Variants in CADPS2 observed in about 807,000 individuals in gnomAD.
The protein encoded by CADPS2 is calcium dependent secretion activator 2, also known as calcium-dependent secretion activator 2.
In CADPS2, 93 loss-of-function variants were observed where a neutral mutation model predicts 172.5. The observed-to-expected ratio is 0.54, with a 90% confidence interval of 0.46 to 0.64. CADPS2 has a LOEUF of 0.64. CADPS2 is among the 30% of genes least tolerant of loss of function. The pLI, the probability that CADPS2 is intolerant of heterozygous loss-of-function variation, is 0.00. For missense variants in CADPS2, 1,420 were observed against 1,565.9 expected (o/e 0.91, Z 1.57); for synonymous variants, 546 against 555.2 (o/e 0.98, Z 0.23).
chr7:122,738,237 T>G (rs2092285273), intron 1 of CADPS2, among the ~76,000 whole-genome samples: 1 of 151,978 alleles, frequency 6.6e-6, no homozygotes, highest in African/African-American at 2.4e-5. Context: ...AAAATAAAAA[T>G]AAGGAGCTTC....
chr7:122,699,957 T>G (rs2085764566), intron 2 of CADPS2, among the ~76,000 whole-genome samples: 1 of 152,158 alleles, frequency 6.6e-6, no homozygotes, highest in South Asian at 2.1e-4. Context: ...TTATCAAACA[T>G]TTTTGCAGAA....
intron 6 of CADPS2, among the ~76,000 whole-genome samples, chr7:122,592,981 G>A (rs1186211612): frequency 7.3e-6 from 1 of 137,094 alleles, no homozygotes; most frequent in Non-Finnish European, 1.5e-5. Flanking sequence ...AGAACTTGAA[G>A]TAAAATGAAT....
intron 9 of CADPS2, among the ~76,000 whole-genome samples, chr7:122,502,974 AT>A (rs1397530228): frequency 1.3e-5 from 2 of 151,908 alleles, no homozygotes; most frequent in Non-Finnish European, 2.9e-5. Flanking sequence ...CACTTATTTC[AT>A]AAGAATATCT....
intron 2 of CADPS2, among the ~76,000 whole-genome samples, chr7:122,664,064 CAAAAA>C (rs541690772): frequency 1.2e-5 from 1 of 84,880 alleles, no homozygotes; most frequent in Non-Finnish European, 2.2e-5. Context: ...TGTTTATAAG[CAAAAA>C]AAAAAAAAAA....
chr7:122,749,917 A>G (rs1042615373), intron 1 of CADPS2, among the ~76,000 whole-genome samples: 14 of 151,940 alleles, frequency 9.2e-5, no homozygotes, highest in African/African-American at 1.2e-4. Context: ...AATGCTGCTA[A>G]TAAGAAAAGG....
At chr7:122,428,952 A>G (rs753169198) in intron 17 of CADPS2, among the ~76,000 whole-genome samples, 5 of 152,216 alleles carry the variant, frequency 3.3e-5, no homozygotes, top group Non-Finnish European at 5.9e-5. Context: ...CTGACAATGT[A>G]TAGTTATTCA....
intron 3 of CADPS2, among the ~76,000 whole-genome samples, chr7:122,645,290 CATATATACACAT>C (rs2078209946): frequency 2.9e-5 from 4 of 137,464 alleles, no homozygotes; most frequent in Admixed American, 7.3e-5. Flanking sequence ...CACATATGTA[CATATATACACAT>C]ATGTACATGT....
chr7:122,341,458 G>A (rs1308064988), intron 28 of CADPS2, among the ~76,000 whole-genome samples: 2 of 152,106 alleles, frequency 1.3e-5, no homozygotes, highest in Admixed American at 1.3e-4. Flanking sequence ...TAGTTTACAC[G>A]TACTAAGTAA....
At chr7:122,836,669 A>G (rs1808545238) in intron 1 of CADPS2, among the ~76,000 whole-genome samples, 1 of 152,214 alleles carries the variant, frequency 6.6e-6, no homozygotes, top group Non-Finnish European at 1.5e-5. Flanking sequence ...CAAAGATCAA[A>G]AGAGACAAAG....
intron 18 of CADPS2, 65 bp downstream of exon 18, chr7:122,415,996 G>T: frequency 1.0e-6 from 1 of 981,874 alleles, no homozygotes. Flanking sequence ...CACTTATTCA[G>T]TGTAGCCACA....
chr7:122,562,884 AT>A (rs2065941721), intron 7 of CADPS2, among the ~76,000 whole-genome samples: 1 of 152,054 alleles, frequency 6.6e-6, no homozygotes, highest in African/African-American at 2.4e-5. Context: ...AAACTGAAAA[AT>A]TTTTTTAAAG....
intron 1 of CADPS2, among the ~76,000 whole-genome samples, chr7:122,750,832 A>G (rs2092923176): frequency 6.6e-6 from 1 of 152,108 alleles, no homozygotes; most frequent in Non-Finnish European, 1.5e-5. Flanking sequence ...GTATAGTTTT[A>G]AAGTTCCTGA....
intron 1 of CADPS2, among the ~76,000 whole-genome samples, chr7:122,870,899 T>C (rs1819584778): frequency 1.3e-5 from 2 of 152,086 alleles, no homozygotes; most frequent in Admixed American, 1.3e-4. Context: ...CATTTTTCCC[T>C]GAATGTAAAT....
intron 7 of CADPS2, among the ~76,000 whole-genome samples, chr7:122,558,440 C>T (rs1016476045): frequency 1.3e-5 from 2 of 152,108 alleles, no homozygotes; most frequent in African/African-American, 4.8e-5. Context: ...TTTCCGTATG[C>T]ATTTCTGCTT....
chr7:122,699,748 G>A (rs2085730115), intron 2 of CADPS2, among the ~76,000 whole-genome samples: 1 of 152,048 alleles, frequency 6.6e-6, no homozygotes, highest in Non-Finnish European at 1.5e-5. Context: ...TGATATCTAG[G>A]GAAGCTAATT....
chr7:122,447,152 CTACAT>C (rs2052360945), intron 15 of CADPS2, among the ~76,000 whole-genome samples: 1 of 146,244 alleles, frequency 6.8e-6, no homozygotes, highest in African/African-American at 2.5e-5. Context: ...AATTCAGTAT[CTACAT>C]TACATTAGTT....
At chr7:122,420,716 A>C (rs1467623560) in intron 17 of CADPS2, among the ~76,000 whole-genome samples, 2 of 152,238 alleles carry the variant, frequency 1.3e-5, no homozygotes, top group African/African-American at 4.8e-5. Context: ...TTGTTGTAAT[A>C]CATTTCAAAC....
chr7:122,717,875 T>C (rs942669291), intron 2 of CADPS2, among the ~76,000 whole-genome samples: 1 of 151,534 alleles, frequency 6.6e-6, no homozygotes. Flanking sequence ...AGTGACACAA[T>C]CATAGGTCAC....
intron 25 of CADPS2, among the ~76,000 whole-genome samples, chr7:122,361,224 C>CA (rs1554460434): frequency 1.9e-5 from 2 of 103,432 alleles, no homozygotes; most frequent in Non-Finnish European, 4.0e-5. Context: ...AAATAATACA[C>CA]TTTTTTTTTT....
Sources: gnomAD v4.1 joint callset for allele counts (sites outside exome capture counted in the v4.1 genomes callset) on GRCh38, gnomAD v4.1.1 for gene constraint, MANE v1.5 for transcripts, NCBI Gene and HGNC (gene_info 2026-07-23, HGNC 2026-07-21) for gene names.